UGT1A4: variants seen among roughly 807,000 people sequenced by gnomAD.
The protein encoded by UGT1A4 is UDP-glucuronosyltransferase 1A4.
A neutral mutation model predicts 41.1 loss-of-function variants in UGT1A4; 32 were observed. That is an observed-to-expected ratio of 0.78 (90% CI 0.59 to 1.05). The LOEUF is 1.05. Among genes scored for constraint, UGT1A4 ranks in the 50% least tolerant of loss-of-function variants. UGT1A4 has a pLI of 0.00. For missense variants in UGT1A4, 748 were observed against 677.4 expected (o/e 1.10, Z -1.16); for synonymous variants, 283 against 265.1 (o/e 1.07, Z -0.66).
chr2:233,730,496 A>G (rs888211040), intron 1 of UGT1A4, among the ~76,000 whole-genome samples: 3 of 152,218 alleles, frequency 2.0e-5, no homozygotes, highest in Admixed American at 6.5e-5. Context: ...TAGAAGTGTC[A>G]GAGAGGTTGA....
intron 1 of UGT1A4, among the ~76,000 whole-genome samples, chr2:233,725,499 G>A (rs1219431340): frequency 6.6e-6 from 1 of 151,906 alleles, no homozygotes; most frequent in African/African-American, 2.4e-5. Flanking sequence ...AGAAACCACT[G>A]AAATTAATTT....
chr2:233,737,358 T>G (rs955996652), intron 1 of UGT1A4, among the ~76,000 whole-genome samples: 1 of 152,234 alleles, frequency 6.6e-6, no homozygotes, highest in African/African-American at 2.4e-5. Flanking sequence ...TGGGAGCTGC[T>G]AAGCCAGGCA....
intron 1 of UGT1A4, among the ~76,000 whole-genome samples, chr2:233,726,972 A>C (rs1406069474): frequency 6.6e-6 from 1 of 152,130 alleles, no homozygotes; most frequent in Admixed American, 6.5e-5. Flanking sequence ...CAAAAGTTTT[A>C]GATTTTGATG....
Position 233,769,517 on chromosome 2 carries a change from G to C in UGT1A4, c.1307+1078G>C. The C allele has an allele frequency of 6.2e-7, 1 of 1,612,844 alleles. No individual in the cohort carries two copies. The highest frequency in any genetic ancestry group is 8.5e-7 in the Non-Finnish European group (1 of 1,179,874). On this transcript the variant is annotated intron_variant, in intron 4 of 4. Coordinates refer to ENST00000373409, the MANE Select transcript of UGT1A4 (RefSeq NM_007120.3). This position sits in a 1 kb window ranked among gnomAD's most constrained non-coding sequence, Gnocchi z 4.4. ...AGAGTGTCCATTGCTTTCTCCCATG[G>C]TTACCTCCTTTAGAAAGAAGCAGCA...
At chr2:233,747,180 G>A in intron 1 of UGT1A4, 1 of 1,601,796 alleles carries the variant, frequency 6.2e-7, no homozygotes, top group South Asian at 1.1e-5. Flanking sequence ...CACAGCGTGG[G>A]GTGGACAGTC....
rs145403444 is a variant in UGT1A4 at position 233,729,793 on chromosome 2, A to G, written c.867+10106A>G. ...GCTCTACCCTCTGGCCCTGTCCTAC[A>G]TTTGCCATGCTTTTTCTGCTCCTTA... On this transcript the variant is annotated intron_variant, in intron 1 of 4. Coordinates refer to ENST00000373409, the MANE Select transcript of UGT1A4 (RefSeq NM_007120.3). The G allele has an allele frequency of 5.0e-6, 8 of 1,613,536 alleles. No individual in the cohort carries two copies. In the African/African-American group the frequency reaches 9.4e-5, roughly 19 times the overall value.
chr2:233,766,296 C>G (rs1251598094), intron 1 of UGT1A4, among the ~76,000 whole-genome samples: 2 of 152,064 alleles, frequency 1.3e-5, no homozygotes, highest in Non-Finnish European at 2.9e-5. Context: ...GTGGCCTGGG[C>G]TCTCCTCCGA....
chr2:233,722,092 G>A, intron 1 of UGT1A4: 1 of 213,982 alleles, frequency 4.7e-6, no homozygotes, highest in South Asian at 7.6e-5. Context: ...GATCACCTTA[G>A]GCCTCTTAGA....
chr2:233,727,725 C>CT (rs2077642996), intron 1 of UGT1A4, among the ~76,000 whole-genome samples: 1 of 152,230 alleles, frequency 6.6e-6, no homozygotes, highest in South Asian at 2.1e-4. Context: ...GCAGACCTTC[C>CT]TTTTCTGTGC....
intron 1 of UGT1A4, among the ~76,000 whole-genome samples, chr2:233,737,949 C>A (rs965025739): frequency 6.6e-6 from 1 of 151,968 alleles, no homozygotes; most frequent in African/African-American, 2.4e-5. Context: ...GACTGTTTCC[C>A]AACATGAGGT....
At chr2:233,766,944 A>C (rs1699286381) in intron 1 of UGT1A4, 90 bp from the exon 2 acceptor site, 2 of 1,597,570 alleles carry the variant, frequency 1.3e-6, no homozygotes, top group South Asian at 2.3e-5. Context: ...TCATAGTCTT[A>C]AGAGGAAGAT....
intron 1 of UGT1A4, among the ~76,000 whole-genome samples, chr2:233,724,760 G>A (rs1178180770): frequency 2.1e-5 from 3 of 143,370 alleles, no homozygotes; most frequent in East Asian, 2.2e-4. Flanking sequence ...GACGATGGGC[G>A]GCCAGGCAGA....
intron 1 of UGT1A4, chr2:233,729,441 T>C: frequency 3.1e-6 from 5 of 1,613,982 alleles, no homozygotes; most frequent in Non-Finnish European, 4.2e-6. Flanking sequence ...AAACAGAACA[T>C]TTTCTGAAGA....
At chr2:233,744,160 C>A (rs555064194) in intron 1 of UGT1A4, 3 of 294,534 alleles carry the variant, frequency 1.0e-5, no homozygotes, top group Non-Finnish European at 2.0e-5. Context: ...CCAGGCCCCG[C>A]CCACTCCGGC....
intron 1 of UGT1A4, chr2:233,755,670 G>A (rs1695987366): frequency 6.3e-6 from 1 of 158,018 alleles, no homozygotes. Flanking sequence ...AGAGGGTGGT[G>A]GGAGTGAGTT....
chr2:233,739,953 G>A (rs1339008674), intron 1 of UGT1A4, among the ~76,000 whole-genome samples: 1 of 151,912 alleles, frequency 6.6e-6, no homozygotes, highest in Non-Finnish European at 1.5e-5. Context: ...CCTGGTGGGA[G>A]CTGATTGAAT....
At chr2:233,725,311 C>A (rs57258852) in intron 1 of UGT1A4, among the ~76,000 whole-genome samples, 1 of 47,288 alleles carries the variant, frequency 2.1e-5, no homozygotes, top group Non-Finnish European at 3.9e-5. Flanking sequence ...GAGGCAGAGG[C>A]AGAGGCGCCT....
At chr2:233,719,761 G>T in intron 1 of UGT1A4, 74 bp downstream of exon 1, 2 of 1,612,292 alleles carry the variant, frequency 1.2e-6, no homozygotes, top group Admixed American at 1.7e-5. Context: ...ACTTACAAGT[G>T]CTTCCATATC....
chr2:233,719,640 G>T lies in UGT1A4; in HGVS notation c.820G>T (p.Val274Phe), dbSNP rs560127147. ...CCCCAGGCCGATCATGCCCAACATG[G>T]TCTTCATTGGGGGCATCAACTGTGC... The part of the protein sequence containing the change: ...DYPRPIMPNM[V>F]FIGGINCANG... The change falls in exon 1 of 5, where the codon GTC (valine) becomes TTC (phenylalanine). Residue 274 changes from valine to phenylalanine, a missense_variant. By Grantham distance (50) the Val-to-Phe change is conservative. Transcript: ENST00000373409. 1.8e-5 allele frequency: 29 copies of T among 1,614,046 alleles called. 1 individual carries two copies. The East Asian group carries it at 2.0e-4, about 11-fold the overall frequency.
Sources: gnomAD v4.1 joint callset for allele counts (sites outside exome capture counted in the v4.1 genomes callset) on GRCh38, gnomAD v4.1.1 for gene constraint, Gnocchi (gnomAD v3.1) non-coding constraint, MANE v1.5 for transcripts, NCBI Gene and HGNC (gene_info 2026-07-23, HGNC 2026-07-21) for gene names.